Variants in EFCAB11 observed in about 807,000 individuals in gnomAD.
The protein encoded by EFCAB11 is EF-hand calcium binding domain 11.
In EFCAB11, 14 loss-of-function variants were observed where a neutral mutation model predicts 23.0. That is an observed-to-expected ratio of 0.61 (90% CI 0.40 to 0.95). EFCAB11 has a LOEUF of 0.95. EFCAB11 is among the 40% of genes least tolerant of loss of function. The pLI, the probability that EFCAB11 is intolerant of heterozygous loss-of-function variation, is 0.00. For synonymous variants in EFCAB11, 65 were observed against 66.6 expected (o/e 0.98, Z 0.11); for missense variants, 198 against 195.8 (o/e 1.01, Z -0.07).
At chr14:89,914,942 C>A (rs1889789119) in intron 5 of EFCAB11, among the ~76,000 whole-genome samples, 1 of 151,964 alleles carries the variant, frequency 6.6e-6, no homozygotes, top group South Asian at 2.1e-4. Context: ...CAGGGCTAAA[C>A]AGTAAAGGGT....
intron 5 of EFCAB11, among the ~76,000 whole-genome samples, chr14:89,886,450 G>A (rs1398674742): frequency 1.3e-5 from 2 of 150,590 alleles, no homozygotes; most frequent in African/African-American, 2.4e-5. Flanking sequence ...CCCTGGGGGC[G>A]GAGCTTGCAG....
At chr14:89,926,543 A>G (rs967827507) in intron 5 of EFCAB11, among the ~76,000 whole-genome samples, 5 of 152,232 alleles carry the variant, frequency 3.3e-5, no homozygotes, top group Non-Finnish European at 7.3e-5. Context: ...ACAGAAAAAG[A>G]AAAATGCCAA....
At chr14:89,831,382 A>C (rs1416429661) in intron 5 of EFCAB11, among the ~76,000 whole-genome samples, 1 of 152,214 alleles carries the variant, frequency 6.6e-6, no homozygotes, top group East Asian at 1.9e-4. Flanking sequence ...AGAAAAGATA[A>C]AAACAATTTC....
At chr14:89,874,166 C>T (rs772810796) in intron 5 of EFCAB11, among the ~76,000 whole-genome samples, 1 of 152,240 alleles carries the variant, frequency 6.6e-6, no homozygotes, top group Non-Finnish European at 1.5e-5. Flanking sequence ...TCCAACACCA[C>T]ATGTAAGCCT....
intron 5 of EFCAB11, among the ~76,000 whole-genome samples, chr14:89,838,025 G>A (rs2140123667): frequency 6.6e-6 from 1 of 152,276 alleles, no homozygotes; most frequent in Admixed American, 6.5e-5. Flanking sequence ...CCTAACTTAT[G>A]AATTGTTTCA....
chr14:89,923,248 A>G (rs1030320073), intron 5 of EFCAB11: 3 of 152,232 alleles, frequency 2.0e-5, no homozygotes, highest in African/African-American at 7.2e-5. Flanking sequence ...ATTTTCTTAA[A>G]ATGACTAGAA....
intron 5 of EFCAB11, among the ~76,000 whole-genome samples, chr14:89,890,196 T>C (rs181075175): frequency 2.6e-5 from 4 of 152,320 alleles, no homozygotes; most frequent in Admixed American, 2.0e-4. Flanking sequence ...AAATAATGAA[T>C]GCAATAAAAA....
intron 5 of EFCAB11, among the ~76,000 whole-genome samples, chr14:89,927,845 C>T (rs1048132808): frequency 5.9e-5 from 9 of 152,128 alleles, no homozygotes; most frequent in African/African-American, 1.9e-4. Context: ...CCTCAGCCTC[C>T]TGAGTAGCTG....
intron 5 of EFCAB11, among the ~76,000 whole-genome samples, chr14:89,907,400 T>C (rs1045240432): frequency 6.6e-6 from 1 of 152,220 alleles, no homozygotes; most frequent in African/African-American, 2.4e-5. Flanking sequence ...TTTTACAGTA[T>C]TGCAGTATGA....
chr14:89,857,934 C>T (rs1887805817), intron 5 of EFCAB11, among the ~76,000 whole-genome samples: 1 of 152,076 alleles, frequency 6.6e-6, no homozygotes. Context: ...TTCTGATATC[C>T]AGCTTCTACT....
At chr14:89,925,583 T>TA (rs1445076543) in intron 5 of EFCAB11, among the ~76,000 whole-genome samples, 11 of 151,936 alleles carry the variant, frequency 7.2e-5, no homozygotes, top group African/African-American at 2.7e-4. Flanking sequence ...TCATCTTTGA[T>TA]ACAGTACACA....
In EFCAB11 at chr14:89,860,312, C is replaced by T. The variant is rs879799331; in HGVS notation, c.411-62988G>A. Among the ~76,000 whole-genome samples the T allele has an allele frequency of 4.6e-5, 7 of 152,052 alleles. No homozygotes were observed. The East Asian group carries it at 9.6e-4, about 21-fold the overall frequency. Reference sequence around the variant, plus strand: ...CCAGGAGGCGGAGGTTGCAGTGAGCCGAGATCGCACCATTGCACTCCAGCC... The same window carrying T: ...CCAGGAGGCGGAGGTTGCAGTGAGCTGAGATCGCACCATTGCACTCCAGCC... On this transcript the variant is annotated intron_variant, in intron 5 of 5. Coordinates refer to ENST00000316738, the MANE Select transcript of EFCAB11 (RefSeq NM_145231.4).
At chr14:89,893,366 G>C (rs536567820) in intron 5 of EFCAB11, among the ~76,000 whole-genome samples, 22 of 152,270 alleles carry the variant, frequency 1.4e-4, no homozygotes, top group African/African-American at 5.1e-4. Flanking sequence ...GTTGGAGGCT[G>C]GGATGAACAC....
At chr14:89,894,291 C>A (rs548707495) in intron 5 of EFCAB11, among the ~76,000 whole-genome samples, 1 of 151,726 alleles carries the variant, frequency 6.6e-6, no homozygotes, top group Admixed American at 6.6e-5. Context: ...GATACATGTG[C>A]GGAACGTGCA....
At chr14:89,868,021 C>T (rs536963362) in intron 5 of EFCAB11, among the ~76,000 whole-genome samples, 39 of 152,340 alleles carry the variant, frequency 2.6e-4, no homozygotes, top group Admixed American at 7.8e-4. Flanking sequence ...GAAAATTAAG[C>T]GCCATTCATT....
intron 5 of EFCAB11, among the ~76,000 whole-genome samples, chr14:89,850,029 CTCTACCT>C (rs1887554946): frequency 6.6e-6 from 1 of 152,144 alleles, no homozygotes; most frequent in East Asian, 1.9e-4. Flanking sequence ...ACCATCAGAG[CTCTACCT>C]AGATCTTGGC....
chr14:89,804,007 C>G (rs894412171), intron 5 of EFCAB11, among the ~76,000 whole-genome samples: 3 of 152,254 alleles, frequency 2.0e-5, no homozygotes, highest in Non-Finnish European at 2.9e-5. Flanking sequence ...ATGACTTTGG[C>G]AGATGTGCTG....
intron 5 of EFCAB11, among the ~76,000 whole-genome samples, chr14:89,897,007 G>A (rs1054621438): frequency 1.3e-5 from 2 of 152,052 alleles, no homozygotes; most frequent in Admixed American, 6.6e-5. Context: ...TATTATAGGC[G>A]TGAACCACTG....
At chr14:89,904,692 A>G (rs1278968425) in intron 5 of EFCAB11, among the ~76,000 whole-genome samples, 2 of 152,092 alleles carry the variant, frequency 1.3e-5, no homozygotes, top group Non-Finnish European at 2.9e-5. Flanking sequence ...ATGCTATCTC[A>G]TGGTGGTTTT....
Sources: allele counts gnomAD v4.1 joint callset (sites outside exome capture counted in the v4.1 genomes callset), GRCh38; gene constraint gnomAD v4.1.1; transcripts MANE v1.5; gene names NCBI Gene and HGNC (gene_info 2026-07-23, HGNC 2026-07-21).